RBFOX3: variants seen among roughly 807,000 people sequenced by gnomAD.
RBFOX3 encodes RNA binding protein fox-1 homolog 3.
In RBFOX3, 17 loss-of-function variants were observed where a neutral mutation model predicts 48.7. That is an observed-to-expected ratio of 0.35 (90% CI 0.24 to 0.52). The LOEUF is 0.52. Among genes scored for constraint, RBFOX3 ranks in the 20% least tolerant of loss-of-function variants. The pLI is 0.94. For synonymous variants in RBFOX3, 212 were observed against 209.5 expected (o/e 1.01, Z -0.10); for missense variants, 382 against 497.5 (o/e 0.77, Z 2.21).
At chr17:79,301,754 G>A (rs984795331) in intron 3 of RBFOX3, among the ~76,000 whole-genome samples, 2 of 152,170 alleles carry the variant, frequency 1.3e-5, no homozygotes, top group African/African-American at 4.8e-5. Context: ...CCACCCATAC[G>A]TTGGAAACTA....
Position 79,256,862 on chromosome 17 carries a change from C to T in RBFOX3, c.-73-21057G>A, listed in dbSNP as rs543726218. Among the ~76,000 whole-genome samples, 83 of 151,786 alleles carry T rather than the reference C, an allele frequency of 5.5e-4. 1 individual carries two copies. Among genetic ancestry groups the T allele is most frequent in the African/African-American group, 1.9e-3 (79 of 41,348 alleles). ...GCTTGAACCTGGGAGGTGGAGGTTGCAGTGAGCCGAGATTGTGCCACTGCA... is the reference window on the plus strand; with the variant it reads ...GCTTGAACCTGGGAGGTGGAGGTTGTAGTGAGCCGAGATTGTGCCACTGCA... On this transcript the variant is annotated intron_variant, in intron 3 of 14. Coordinates refer to ENST00000693108, the MANE Select transcript of RBFOX3 (RefSeq NM_001350451.2).
chr17:79,620,603 GCACACATGCA>G, the RBFOX3 span, among the ~76,000 whole-genome samples: 148 of 116,394 alleles, frequency 1.3e-3, 1 homozygote, highest in African/African-American at 4.7e-3. Context: ...ACGCACGCAC[GCACACATGCA>G]CACACGCACA....
chr17:79,161,571 C>T lies in RBFOX3; in HGVS notation c.-33-45823G>A, dbSNP rs528732170. The stretch of plus-strand genomic sequence containing the variant: ...GGTGGTTGAAGTGCCCTTGCTCTTC[C>T]GGTTATGGCTCTTCCGTTTTTTTTT... On this transcript the variant is annotated intron_variant, in intron 4 of 14. Coordinates refer to ENST00000693108, the MANE Select transcript of RBFOX3 (RefSeq NM_001350451.2). Among the ~76,000 whole-genome samples, 44 of 152,246 alleles carry T rather than the reference C, an allele frequency of 2.9e-4. No individual in the cohort carries two copies. The South Asian group carries it at 3.7e-3, about 13-fold the overall frequency.
rs1193792645 is a variant in RBFOX3, at chr17:79,536,299, T to G, written c.-319-53701A>C. ...CACCATGTGGGCCAGGCTGAACTTT[T>G]GACCTCAAATGATCCACCTGCCTCG... On this transcript the variant is annotated intron_variant, in intron 1 of 14. Coordinates refer to ENST00000693108, the MANE Select transcript of RBFOX3 (RefSeq NM_001350451.2). 2.6e-5 allele frequency among the ~76,000 whole-genome samples: 4 copies of G among 152,206 alleles called. No individual in the cohort carries two copies. The East Asian group carries it at 7.7e-4, about 29-fold the overall frequency.
intron 3 of RBFOX3, among the ~76,000 whole-genome samples, chr17:79,259,981 C>T (rs1293785568): frequency 6.6e-6 from 1 of 152,060 alleles, no homozygotes; most frequent in African/African-American, 2.4e-5. Flanking sequence ...AGATGCTGAG[C>T]CCCTTCCTGG....
intron 2 of RBFOX3, among the ~76,000 whole-genome samples, chr17:79,465,578 CA>C (rs34170241): frequency 0.13 from 17,669 of 134,398 alleles, 1,910 homozygotes; most frequent in African/African-American, 0.31. Flanking sequence ...CACACATGCA[CA>C]AAAAAAAAAA....
Position 79,423,318 on chromosome 17 carries a change from C to T in RBFOX3, c.-175+59136G>A, listed in dbSNP as rs113122898. 1.5e-3 allele frequency among the ~76,000 whole-genome samples: 232 copies of T among 152,286 alleles called. No individual in the cohort carries two copies. Among genetic ancestry groups the T allele is most frequent in the African/African-American group, 5.4e-3 (224 of 41,554 alleles). ...GCCACGCCCCCATCGACCAGGATGCCAGGAGCCAGGATGATTCTGCTTTCA... is the reference window on the plus strand; with the variant it reads ...GCCACGCCCCCATCGACCAGGATGCTAGGAGCCAGGATGATTCTGCTTTCA... On this transcript the variant is annotated intron_variant, in intron 2 of 14. Transcript: ENST00000693108. The surrounding 1 kb of genome is among the most constrained non-coding windows in gnomAD (Gnocchi z 4.9).
At chr17:79,314,311 C>T (rs534705445) in intron 2 of RBFOX3, among the ~76,000 whole-genome samples, 82 of 152,302 alleles carry the variant, frequency 5.4e-4, no homozygotes, top group African/African-American at 1.9e-3. Context: ...GCATGGCAGT[C>T]AGGCAGCTCC....
At chr17:79,321,990 C>G (rs1209424613) in intron 2 of RBFOX3, among the ~76,000 whole-genome samples, 4 of 152,180 alleles carry the variant, frequency 2.6e-5, no homozygotes. Context: ...CAGGCATGAG[C>G]CACCATGCCC....
intron 1 of RBFOX3, among the ~76,000 whole-genome samples, chr17:79,610,591 G>T (rs1013848177): frequency 6.6e-6 from 1 of 151,936 alleles, no homozygotes; most frequent in Admixed American, 6.5e-5. Context: ...CGGACAGAGC[G>T]TCCAGACCCC....
At chr17:79,605,980 G>A (rs931142666) in intron 1 of RBFOX3, among the ~76,000 whole-genome samples, 5 of 152,212 alleles carry the variant, frequency 3.3e-5, no homozygotes, top group Non-Finnish European at 2.9e-5. Context: ...ACTCCCCACA[G>A]AGGAGAGCAC....
intron 4 of RBFOX3, among the ~76,000 whole-genome samples, chr17:79,197,487 C>T (rs1267248236): frequency 1.3e-5 from 2 of 149,666 alleles, no homozygotes; most frequent in African/African-American, 2.5e-5. Context: ...CTCCCAGGTT[C>T]GAGCGATTCT....
intron 2 of RBFOX3, among the ~76,000 whole-genome samples, chr17:79,330,845 C>G (rs2080169188): frequency 6.6e-6 from 1 of 152,208 alleles, no homozygotes; most frequent in African/African-American, 2.4e-5. Flanking sequence ...GACTCTGTGG[C>G]CAACAGGACC....
intron 4 of RBFOX3, among the ~76,000 whole-genome samples, chr17:79,119,182 G>A (rs1024781484): frequency 2.0e-5 from 3 of 152,100 alleles, no homozygotes; most frequent in Admixed American, 6.5e-5. Flanking sequence ...AATGACAGGC[G>A]AACCCGCCAA....
chr17:79,512,846 G>A (rs547772364), intron 1 of RBFOX3, among the ~76,000 whole-genome samples: 31 of 123,970 alleles, frequency 2.5e-4, no homozygotes, highest in African/African-American at 5.2e-4. Flanking sequence ...CATCGGCTAC[G>A]GCCCCATGGC....
At position 79,098,060 on chromosome 17, in the gene RBFOX3, A is replaced by G. The variant is rs552221335; in HGVS notation, c.569-315T>C. The G allele has an allele frequency of 8.3e-6, 3 of 361,076 alleles. No individual in the cohort carries two copies. The South Asian group carries it at 1.3e-4, about 15-fold the overall frequency. The allele number at this position is 361,076 out of a possible 1,614,324, so 22.4% of individuals were successfully genotyped here. On this transcript the variant is annotated intron_variant, in intron 9 of 14. Coordinates refer to ENST00000693108, the MANE Select transcript of RBFOX3 (RefSeq NM_001350451.2). ...AAGCCTGGGGTACCCACCTCCCAGA[A>G]GAGAACTGGAGAGGGAAAGTGGAAC...
intron 1 of RBFOX3, among the ~76,000 whole-genome samples, chr17:79,579,462 C>T (rs1469034941): frequency 6.6e-6 from 1 of 152,180 alleles, no homozygotes. Flanking sequence ...TCTTGCAGAC[C>T]ATCTCCACAA....
At position 79,318,854 on chromosome 17, in the gene RBFOX3, C is replaced by CAAAAAA. The variant is rs71161660; in HGVS notation, c.-174-11036_-174-11031dup. On this transcript the variant is annotated intron_variant, in intron 2 of 14. Transcript: ENST00000693108. ...TGGGTGACAGAGCGAGACTCCATCT[C>CAAAAAA]AAAAAAAAAAAAAAAAAAAAAAAAA... 1.2e-4 allele frequency among the ~76,000 whole-genome samples: 4 copies of CAAAAAA among 32,524 alleles called. 1 individual carries two copies. Among genetic ancestry groups the CAAAAAA allele is most frequent in the African/African-American group, 2.9e-4 (2 of 6,902 alleles). The allele number at this position is 32,524 out of a possible 152,430, so 21.3% of individuals were successfully genotyped here. A position where few individuals can be genotyped will look rare whatever the true frequency, so the allele number is the denominator to read the frequency against.
intron 3 of RBFOX3, among the ~76,000 whole-genome samples, chr17:79,280,301 A>G (rs73999982): frequency 0.016 from 2,434 of 152,060 alleles, 72 homozygotes; most frequent in African/African-American, 0.055. Context: ...CACACCACAC[A>G]TACACCCCCC....
Sources: allele counts gnomAD v4.1 joint callset (sites outside exome capture counted in the v4.1 genomes callset), GRCh38; gene constraint gnomAD v4.1.1; non-coding constraint Gnocchi (gnomAD v3.1); transcripts MANE v1.5; gene names NCBI Gene and HGNC (gene_info 2026-07-23, HGNC 2026-07-21).